Variants in OSBPL3 observed in about 807,000 individuals in gnomAD.
The protein encoded by OSBPL3 is oxysterol binding protein like 3.
In OSBPL3, 65 loss-of-function variants were observed where a neutral mutation model predicts 120.1. That is an observed-to-expected ratio of 0.54 (90% CI 0.44 to 0.67). The LOEUF (loss-of-function observed/expected upper bound fraction) is 0.67. OSBPL3 is among the 30% of genes least tolerant of loss of function. The pLI, the probability that OSBPL3 is intolerant of heterozygous loss-of-function variation, is 0.00. For synonymous variants in OSBPL3, 416 were observed against 402.6 expected (o/e 1.03, Z -0.40); for missense variants, 1,004 against 1,082.1 (o/e 0.93, Z 1.01).
chr7:24,912,702 G>C lies in OSBPL3; in HGVS notation c.-149-20081C>G, dbSNP rs1808993388. On this transcript the variant is annotated intron_variant, in intron 1 of 22. Transcript: ENST00000313367. The surrounding 1 kb of genome is among the most constrained non-coding windows in gnomAD (Gnocchi z 4.5). ...TGCCAGTTCTGATTCATCATTACTG[G>C]GTGTGGAAGATGTATTTTTCAAAGA... is the stretch of plus-strand genomic sequence containing the variant. Among the ~76,000 whole-genome samples, 1 of 152,116 alleles carries C rather than the reference G, an allele frequency of 6.6e-6. No individual in the cohort carries two copies. Among genetic ancestry groups the C allele is most frequent in the Non-Finnish European group, 1.5e-5 (1 of 68,030 alleles).
intron 5 of OSBPL3, 35 bp downstream of exon 5, chr7:24,870,697 A>G (rs375663983): frequency 3.1e-6 from 4 of 1,287,324 alleles, no homozygotes; most frequent in African/African-American, 2.9e-5. Flanking sequence ...CTTCCCCAAC[A>G]TAAGTGAACT....
intron 12 of OSBPL3, among the ~76,000 whole-genome samples, chr7:24,845,554 C>T (rs753057394): frequency 6.7e-6 from 1 of 148,952 alleles, no homozygotes; most frequent in Non-Finnish European, 1.5e-5. Context: ...ATATGAAAAA[C>T]ATTATCATTG....
chr7:24,945,978 T>C (rs2128490111), intron 1 of OSBPL3, among the ~76,000 whole-genome samples: 1 of 152,350 alleles, frequency 6.6e-6, no homozygotes, highest in East Asian at 1.9e-4. Context: ...CAGGAAAGGC[T>C]GGGCTGGGCA....
At chr7:24,980,608 C>A (rs1269204941), upstream of OSBPL3, among the ~76,000 whole-genome samples, 1 of 151,870 alleles carries the variant, frequency 6.6e-6, no homozygotes, top group Non-Finnish European at 1.5e-5. Context: ...CCCTTGCGGT[C>A]GCACAGGCTA....
Position 24,819,174 on chromosome 7 carries a change from A to T in OSBPL3, c.1948+1001T>A, listed in dbSNP as rs1473323151. 6.6e-6 allele frequency among the ~76,000 whole-genome samples: 1 copy of T among 151,756 alleles called. No homozygotes were observed. Among genetic ancestry groups the T allele is most frequent in the Non-Finnish European group, 1.5e-5 (1 of 67,964 alleles). On this transcript the variant is annotated intron_variant, in intron 17 of 22. Coordinates refer to ENST00000313367, the MANE Select transcript of OSBPL3 (RefSeq NM_015550.4). The surrounding 1 kb of genome is among the most constrained non-coding windows in gnomAD (Gnocchi z 4.1). ...AGGCTGAGACAGGAGAATCACTTGA[A>T]CACGGGAGACGGAGGTTGCAGTGAG...
intron 1 of OSBPL3, among the ~76,000 whole-genome samples, chr7:24,920,320 A>T (rs566052579): frequency 4.6e-4 from 70 of 152,346 alleles, no homozygotes; most frequent in African/African-American, 1.6e-3. Flanking sequence ...GGAATTAAAT[A>T]GTGAGTCATG....
chr7:24,971,225 C>G (rs1286418228), intron 1 of OSBPL3, among the ~76,000 whole-genome samples: 1 of 152,234 alleles, frequency 6.6e-6, no homozygotes, highest in South Asian at 2.1e-4. Flanking sequence ...CCTGACTGTA[C>G]CCCAGTTCTG....
intron 1 of OSBPL3, among the ~76,000 whole-genome samples, chr7:24,969,233 CT>C (rs1215631244): frequency 6.6e-6 from 1 of 152,142 alleles, no homozygotes. Context: ...TGCATTTTCT[CT>C]TTTTATGAGT....
chr7:24,933,106 C>T lies in OSBPL3; in HGVS notation c.-149-40485G>A, dbSNP rs1325171581. Among the ~76,000 whole-genome samples the T allele has an allele frequency of 6.6e-6, 1 of 152,204 alleles. No homozygotes were observed. On this transcript the variant is annotated intron_variant, in intron 1 of 22. Transcript: ENST00000313367. The surrounding 1 kb of genome is among the most constrained non-coding windows in gnomAD (Gnocchi z 5.1). ...CCAGCAGTGATTCAGAGAGTAATAACAGGCCACGCACGCAGACGCCTGCAG... is the reference window on the plus strand; with the variant it reads ...CCAGCAGTGATTCAGAGAGTAATAATAGGCCACGCACGCAGACGCCTGCAG...
At chr7:24,842,727 C>T (rs1797940083) in intron 12 of OSBPL3, among the ~76,000 whole-genome samples, 1 of 152,218 alleles carries the variant, frequency 6.6e-6, no homozygotes, top group African/African-American at 2.4e-5. Flanking sequence ...TGAATCATAT[C>T]CTCTTATTCG....
In OSBPL3 at chr7:24,967,931, T is replaced by C. The variant is rs1816573582; in HGVS notation, c.-150+11955A>G. ...AAAAGCACTCTCTTTCTCTAAGATC[T>C]ACTCATCTTCCTATTTTCCCCAGCA... On this transcript the variant is annotated intron_variant, in intron 1 of 22. Transcript: ENST00000313367. The surrounding 1 kb of genome is among the most constrained non-coding windows in gnomAD (Gnocchi z 5.6). 6.6e-6 allele frequency among the ~76,000 whole-genome samples: 1 copy of C among 152,232 alleles called. No homozygotes were observed. Among genetic ancestry groups the C allele is most frequent in the Non-Finnish European group, 1.5e-5 (1 of 68,042 alleles).
intron 12 of OSBPL3, among the ~76,000 whole-genome samples, chr7:24,845,384 TAAAAAA>T (rs34559902): frequency 4.8e-5 from 3 of 62,264 alleles, no homozygotes; most frequent in African/African-American, 2.0e-4. Flanking sequence ...GCAAAATAAG[TAAAAAA>T]AAAAAAAAAA....
chr7:24,797,862 T>G lies in OSBPL3; in HGVS notation c.*2321A>C, dbSNP rs1336322965. ...TTCCCAAATGATGCCACGTTTCTGT[T>G]TTCTTCCTCTTAAAACTATAAAATG... On this transcript the variant is annotated 3_prime_UTR_variant, in exon 23 of 23. Coordinates refer to ENST00000313367, the MANE Select transcript of OSBPL3 (RefSeq NM_015550.4). The surrounding 1 kb of genome is among the most constrained non-coding windows in gnomAD (Gnocchi z 4.8). The G allele has an allele frequency of 1.3e-5, 2 of 152,206 alleles. No homozygotes were observed. Among genetic ancestry groups the G allele is most frequent in the Non-Finnish European group, 2.9e-5 (2 of 68,030 alleles). The allele number at this position is 152,206 out of a possible 1,614,324, so 9.4% of individuals were successfully genotyped here. A position where few individuals can be genotyped will look rare whatever the true frequency, so the allele number is the denominator to read the frequency against.
Position 24,872,219 on chromosome 7 carries a change from A to G in OSBPL3, c.97-150T>C, listed in dbSNP as rs1802224827. On this transcript the variant is annotated intron_variant, in intron 2 of 22. Transcript: ENST00000313367. This position sits in a 1 kb window ranked among gnomAD's most constrained non-coding sequence, Gnocchi z 4.1. ...AGAAATCCAAATTTAATTTCCATAC[A>G]GTCCCTGGGCTTCACAGATTTAATT... 23 of 629,184 alleles carry G rather than the reference A, an allele frequency of 3.7e-5. No individual in the cohort carries two copies. In the South Asian group the frequency reaches 4.5e-4, roughly 12 times the overall value. The allele number at this position is 629,184 out of a possible 1,614,324, so 39.0% of individuals were successfully genotyped here. A position where few individuals can be genotyped will look rare whatever the true frequency, so the allele number is the denominator to read the frequency against.
chr7:24,923,006 T>C (rs1470706231), intron 1 of OSBPL3, among the ~76,000 whole-genome samples: 2 of 152,104 alleles, frequency 1.3e-5, no homozygotes, highest in African/African-American at 4.8e-5. Flanking sequence ...CCATCAGAGA[T>C]ACTCTACACT....
Position 24,863,559 on chromosome 7 carries a change from C to T in OSBPL3, c.714G>A (p.Gln238=). 1 of 1,614,098 alleles carries T rather than the reference C, an allele frequency of 6.2e-7. No homozygotes were observed. Among genetic ancestry groups the T allele is most frequent in the Non-Finnish European group, 8.5e-7 (1 of 1,179,972 alleles). ...HCHAYLVEMS[Q]LLQSMDVLHR... ...GCAGGACGTCCATGCTTTGCAGGAG[C>T]TGGCTCATTTCTACCAGGTAGGCAT... Residue 238 remains glutamine (Q), a synonymous_variant, in exon 8 of 23, where the codon CAG becomes CAA. Coordinates refer to ENST00000313367, the MANE Select transcript of OSBPL3 (RefSeq NM_015550.4). This position sits in a 1 kb window ranked among gnomAD's most constrained non-coding sequence, Gnocchi z 5.8.
rs1168207423 is a variant in OSBPL3, at chr7:24,852,615, T to A, written c.1047A>T (p.Ser349=). The A allele has an allele frequency of 6.3e-7, 1 of 1,599,372 alleles. No individual in the cohort carries two copies. The highest frequency in any genetic ancestry group is 1.3e-5 in the African/African-American group (1 of 74,260). The part of the protein sequence containing the change: ...IAHKVYFTLR[S]AFNIMSAERE... ...TCTCCGCTGACATGATATTAAAAGC[T>A]GACCTTAAAGTGAAGTAAACTATAG... The change falls in exon 11 of 23, where the codon TCA becomes TCT. Residue 349 remains serine (S), a synonymous_variant. Coordinates refer to ENST00000313367, the MANE Select transcript of OSBPL3 (RefSeq NM_015550.4). This position sits in a 1 kb window ranked among gnomAD's most constrained non-coding sequence, Gnocchi z 4.1.
chr7:24,944,807 A>G (rs1227241080), intron 1 of OSBPL3, among the ~76,000 whole-genome samples: 1 of 152,220 alleles, frequency 6.6e-6, no homozygotes, highest in Non-Finnish European at 1.5e-5. Flanking sequence ...TAACTCCTCT[A>G]TAAGGCCCTT....
Position 24,798,742 on chromosome 7 carries a change from T to C in OSBPL3, c.*1441A>G, listed in dbSNP as rs1430442265. On this transcript the variant is annotated 3_prime_UTR_variant, in exon 23 of 23. Coordinates refer to ENST00000313367, the MANE Select transcript of OSBPL3 (RefSeq NM_015550.4). This position sits in a 1 kb window ranked among gnomAD's most constrained non-coding sequence, Gnocchi z 4.6. ...TTCATAACATTCGATATGCTCTGAA[T>C]TTCTTTAAGTATCTCAAAGTGTTTT... is the stretch of plus-strand genomic sequence containing the variant. 2 of 152,686 alleles carry C rather than the reference T, an allele frequency of 1.3e-5. No homozygotes were observed. The highest frequency in any genetic ancestry group is 2.1e-4 in the South Asian group (1 of 4,828). The allele number at this position is 152,686 out of a possible 1,614,324, so 9.5% of individuals were successfully genotyped here.
Sources: gnomAD v4.1 joint callset for allele counts (sites outside exome capture counted in the v4.1 genomes callset) on GRCh38, gnomAD v4.1.1 for gene constraint, Gnocchi (gnomAD v3.1) non-coding constraint, MANE v1.5 for transcripts, NCBI Gene and HGNC (gene_info 2026-07-23, HGNC 2026-07-21) for gene names.